Variants in MAP7 observed in about 807,000 individuals in gnomAD.
The protein encoded by MAP7 is ensconsin.
In MAP7, 52 loss-of-function variants were observed where a neutral mutation model predicts 94.8. The observed-to-expected ratio is 0.55, with a 90% CI of 0.44 to 0.69. MAP7 has a LOEUF of 0.69. Among genes scored for constraint, MAP7 ranks in the 30% least tolerant of loss-of-function variants. MAP7 has a pLI of 0.00. For missense variants in MAP7, 940 were observed against 964.6 expected (o/e 0.97, Z 0.34); for synonymous variants, 350 against 357.0 (o/e 0.98, Z 0.22).
chr6:136,388,162 C>T (rs186780872), intron 5 of MAP7, among the ~76,000 whole-genome samples: 101 of 152,262 alleles, frequency 6.6e-4, no homozygotes, highest in African/African-American at 2.3e-3. Context: ...ATAGATTTCT[C>T]CCTTTAAGGA....
chr6:136,409,558 T>G (rs1474720943), intron 3 of MAP7, among the ~76,000 whole-genome samples: 1 of 152,258 alleles, frequency 6.6e-6, no homozygotes, highest in Non-Finnish European at 1.5e-5. Flanking sequence ...ATGTCTTTTT[T>G]CCACCTGTTC....
At chr6:136,515,019 T>C (rs570114192) in intron 1 of MAP7, among the ~76,000 whole-genome samples, 5 of 152,266 alleles carry the variant, frequency 3.3e-5, no homozygotes, top group Non-Finnish European at 5.9e-5. Flanking sequence ...TTCATCTCCA[T>C]TGAAACTCTG....
At chr6:136,454,079 C>A (rs1039124860) in intron 1 of MAP7, among the ~76,000 whole-genome samples, 1 of 152,116 alleles carries the variant, frequency 6.6e-6, no homozygotes, top group Non-Finnish European at 1.5e-5. Flanking sequence ...TACCGAGGAA[C>A]ATAGAGCTCA....
rs1055625505 is a variant in MAP7, at chr6:136,389,441, C to T, written c.321G>A (p.Lys107=). The T allele has an allele frequency of 1.9e-6, 3 of 1,604,896 alleles. No individual in the cohort carries two copies. The highest frequency in any genetic ancestry group is 2.2e-5 in the South Asian group (2 of 89,944). The change falls in exon 4 of 18, where the codon AAG becomes AAA. Residue 107 remains lysine (K), a synonymous_variant. Transcript: ENST00000354570. ...QHYEKHLEER[K]KRLEEQRQKE... is the part of the protein sequence containing the mutation. Reference sequence around the variant, plus strand: ...TCTGCCTCTGCTCCTCCAACCTCTTCTTCCGCTCTTCCAGGTGCTTCTCGT... The same window carrying T: ...TCTGCCTCTGCTCCTCCAACCTCTTTTTCCGCTCTTCCAGGTGCTTCTCGT...
chr6:136,365,980 G>C lies in MAP7; in HGVS notation c.1028C>G (p.Pro343Arg). The C allele has an allele frequency of 3.7e-6, 6 of 1,612,810 alleles. No individual in the cohort carries two copies. Among genetic ancestry groups the C allele is most frequent in the Non-Finnish European group, 5.1e-6 (6 of 1,179,964 alleles). Residue 343 changes from proline to arginine, a missense_variant, in exon 10 of 18, where the codon CCC becomes CGC. By Grantham distance (103) the Pro-to-Arg change is moderately radical (BLOSUM62 -2). Coordinates refer to ENST00000354570, the MANE Select transcript of MAP7 (RefSeq NM_003980.6). ...GGGTGGCAAGGAGGATGTCGGTCTG[G>C]GTGTGCCAGGCAAATGAGGAAGAGA... is the stretch of plus-strand genomic sequence containing the variant. ...SKSLPHLPGT[P>R]RPTSSLPPGS... is the part of the protein sequence containing the mutation.
At chr6:136,421,823 A>G (rs1791460576) in intron 1 of MAP7, 24 bp from the exon 2 acceptor site, 2 of 1,555,026 alleles carry the variant, frequency 1.3e-6, no homozygotes, top group East Asian at 4.5e-5. Context: ...ACAAAAGAGA[A>G]AAGACACATT....
chr6:136,378,751 A>G (rs1776935174), intron 6 of MAP7, among the ~76,000 whole-genome samples: 1 of 152,230 alleles, frequency 6.6e-6, no homozygotes, highest in African/African-American at 2.4e-5. Context: ...CTTTGCTTAT[A>G]TGGTTAGTTT....
At chr6:136,420,779 C>A (rs1235186379) in intron 2 of MAP7, among the ~76,000 whole-genome samples, 3 of 150,918 alleles carry the variant, frequency 2.0e-5, no homozygotes, top group Non-Finnish European at 2.9e-5. Flanking sequence ...AAATGACAAA[C>A]CAGATTTATC....
At chr6:136,472,693 A>C (rs1379183333) in intron 1 of MAP7, among the ~76,000 whole-genome samples, 1 of 152,144 alleles carries the variant, frequency 6.6e-6, no homozygotes, top group Non-Finnish European at 1.5e-5. Flanking sequence ...CCAAAAGAAG[A>C]AATTCTTCTC....
chr6:136,380,219 T>C (rs941781903), intron 6 of MAP7, among the ~76,000 whole-genome samples: 4 of 152,138 alleles, frequency 2.6e-5, no homozygotes, highest in Non-Finnish European at 5.9e-5. Flanking sequence ...CAAGTTAACA[T>C]AAATAAATGA....
At chr6:136,521,070 T>C (rs766530092) in intron 1 of MAP7, among the ~76,000 whole-genome samples, 1 of 152,196 alleles carries the variant, frequency 6.6e-6, no homozygotes, top group Non-Finnish European at 1.5e-5. Context: ...GACCCATCTA[T>C]AGCATATGGT....
chr6:136,381,466 C>A (rs1459485251), intron 6 of MAP7, among the ~76,000 whole-genome samples: 1 of 152,080 alleles, frequency 6.6e-6, no homozygotes. Context: ...AGGTGTGAGC[C>A]ACTGTGCCTG....
intron 1 of MAP7, among the ~76,000 whole-genome samples, chr6:136,433,172 A>G (rs777770554): frequency 4.9e-4 from 75 of 152,306 alleles, no homozygotes; most frequent in Admixed American, 1.8e-3. Context: ...TTTGCTTTCC[A>G]TTTATTCAGA....
At chr6:136,352,673 G>A (rs896877192) in intron 16 of MAP7, among the ~76,000 whole-genome samples, 1 of 151,862 alleles carries the variant, frequency 6.6e-6, no homozygotes, top group Non-Finnish European at 1.5e-5. Context: ...ATTAGACCCC[G>A]ACTGATACAG....
At chr6:136,503,423 A>G (rs989788446) in intron 1 of MAP7, among the ~76,000 whole-genome samples, 1 of 151,990 alleles carries the variant, frequency 6.6e-6, no homozygotes, top group Non-Finnish European at 1.5e-5. Context: ...GGGTGGGGGA[A>G]GAAGAATCTG....
At chr6:136,457,512 AC>A (rs1803726770) in intron 1 of MAP7, among the ~76,000 whole-genome samples, 1 of 152,192 alleles carries the variant, frequency 6.6e-6, no homozygotes, top group Admixed American at 6.6e-5. Flanking sequence ...ACACTACAAG[AC>A]AAGCAAACTA....
At chr6:136,511,068 A>C (rs938397662) in intron 1 of MAP7, among the ~76,000 whole-genome samples, 1 of 152,166 alleles carries the variant, frequency 6.6e-6, no homozygotes. Context: ...ATCAAAGTAG[A>C]TGTGTGTCAC....
chr6:136,388,327 A>T (rs1779727706), intron 5 of MAP7, 66 bp downstream of exon 5: 1 of 1,181,324 alleles, frequency 8.5e-7, no homozygotes, highest in Non-Finnish European at 1.2e-6. Context: ...GATTTAGAAG[A>T]AAGAAGGAAA....
intron 1 of MAP7, among the ~76,000 whole-genome samples, chr6:136,449,200 C>A (rs1379877464): frequency 6.6e-6 from 1 of 152,066 alleles, no homozygotes; most frequent in Non-Finnish European, 1.5e-5. Context: ...GAGGCTGAGG[C>A]AGGAGAATGG....
Sources: gnomAD v4.1 joint callset for allele counts (sites outside exome capture counted in the v4.1 genomes callset) on GRCh38, gnomAD v4.1.1 for gene constraint, MANE v1.5 for transcripts, NCBI Gene and HGNC (gene_info 2026-07-23, HGNC 2026-07-21) for gene names.